Variants in FCHSD1 observed in about 807,000 individuals in gnomAD.
FCHSD1 encodes FCH and double SH3 domains 1, also known as F-BAR and double SH3 domains protein 1.
FCHSD1 carries 109 observed loss-of-function variants against 101.3 expected under a neutral mutation model. The ratio of observed to expected loss-of-function variants is 1.08; its 90% confidence interval spans 0.92 to 1.26. The LOEUF (loss-of-function observed/expected upper bound fraction) is 1.26. FCHSD1 is among the 50% of genes most tolerant of loss of function. FCHSD1 has a pLI of 0.00. For synonymous variants in FCHSD1, 291 were observed against 356.8 expected (o/e 0.82, Z 2.08); for missense variants, 820 against 895.8 (o/e 0.92, Z 1.08).
chr5:141,644,289 C>G lies in FCHSD1; in HGVS notation c.1792G>C (p.Val598Leu). The change falls in exon 17 of 20, where the codon GTC becomes CTC. Residue 598 changes from valine (V) to leucine (L), a missense_variant. Val to Leu is a conservative substitution (Grantham distance 32). Coordinates refer to ENST00000435817, the MANE Select transcript of FCHSD1 (RefSeq NM_033449.3). Reference sequence around the variant, plus strand: ...TCTTCCACCAGCAGGGAGGGGAAGACCCCAACACGGCCCCCAAATTCTCCC... The same window carrying G: ...TCTTCCACCAGCAGGGAGGGGAAGAGCCCAACACGGCCCCCAAATTCTCCC... ...WRGEFGGRVG[V>L]FPSLLVEELL... The G allele has an allele frequency of 6.2e-7, 1 of 1,613,674 alleles. No homozygotes were observed. Among genetic ancestry groups the G allele is most frequent in the Non-Finnish European group, 8.5e-7 (1 of 1,179,764 alleles).
chr5:141,645,201 C>A, intron 13 of FCHSD1, 53 bp from the exon 14 acceptor site: 4 of 1,512,406 alleles, frequency 2.6e-6, no homozygotes, highest in Non-Finnish European at 2.7e-6. Flanking sequence ...AGCACTGGTT[C>A]TATCTCCCAC....
At chr5:141,650,284 T>C in intron 3 of FCHSD1, 75 bp downstream of exon 3, 3 of 1,582,104 alleles carry the variant, frequency 1.9e-6, no homozygotes, top group South Asian at 1.1e-5. Flanking sequence ...ACAATAGGGA[T>C]AGGTATGGAC....
rs2099907792 is a variant in FCHSD1 at position 141,647,397 on chromosome 5, C to T, written c.828+1G>A. 1.9e-6 allele frequency: 3 copies of T among 1,594,944 alleles called. No individual in the cohort carries two copies. The highest frequency in any genetic ancestry group is 2.2e-5 in the South Asian group (2 of 89,448). On this transcript the variant is annotated splice_donor_variant, in intron 9 of 19. Coordinates refer to ENST00000435817, the MANE Select transcript of FCHSD1 (RefSeq NM_033449.3). LOFTEE classifies it high-confidence loss of function. ...AAGCTCTTAGAGGCCACAGCCCTCA[C>T]CTGGGAGGTTGTCTGCTCCCCGCGG...
intron 8 of FCHSD1, chr5:141,647,761 G>A: frequency 1.1e-6 from 1 of 947,158 alleles, no homozygotes; most frequent in South Asian, 1.8e-5. Context: ...TCCCTGATGA[G>A]GAATCTGGGG....
intron 13 of FCHSD1, 113 bp from the exon 14 acceptor site, chr5:141,645,261 A>G (rs1596462528): frequency 7.0e-7 from 1 of 1,425,962 alleles, no homozygotes; most frequent in Middle Eastern, 1.9e-4. Context: ...AGGCAGGTGC[A>G]CCCATCCACT....
Position 141,646,683 on chromosome 5 carries a change from T to G in FCHSD1, c.964A>C (p.Lys322Gln), listed in dbSNP as rs2099907706. The G allele has an allele frequency of 1.2e-6, 2 of 1,613,222 alleles. No individual in the cohort carries two copies. The highest frequency in any genetic ancestry group is 8.5e-7 in the Non-Finnish European group (1 of 1,179,772). Reference protein sequence around the residue: ...LEWGAEGVAGKSGLEKEVQRL... With the variant: ...LEWGAEGVAGQSGLEKEVQRL... Reference sequence around the variant, plus strand: ...TGAACCTCTTTCTCCAGGCCACTCTTGCCAGCCACGCCTTCTGCTCCCCAC... The same window carrying G: ...TGAACCTCTTTCTCCAGGCCACTCTGGCCAGCCACGCCTTCTGCTCCCCAC... Residue 322 changes from lysine (K) to glutamine (Q), a missense_variant, in exon 11 of 20, where the codon AAG (lysine) becomes CAG (glutamine). Coordinates refer to ENST00000435817, the MANE Select transcript of FCHSD1 (RefSeq NM_033449.3).
In FCHSD1 at chr5:141,639,963, C is replaced by G; in HGVS notation, c.*1535G>C. 6.2e-7 allele frequency: 1 copy of G among 1,614,046 alleles called. No homozygotes were observed. The highest frequency in any genetic ancestry group is 8.5e-7 in the Non-Finnish European group (1 of 1,180,014). On this transcript the variant is annotated 3_prime_UTR_variant, in exon 20 of 20. Transcript: ENST00000435817. This position sits in a 1 kb window ranked among gnomAD's most constrained non-coding sequence, Gnocchi z 4.4. ...TGAGAAGCGCTATGGACTGCACGAA[C>G]ACCGTGATGGCTCCCCCACAGACAG... is the stretch of plus-strand genomic sequence containing the variant.
rs930963207 is a variant in FCHSD1, at chr5:141,649,537, C to G, written c.234-1G>C. Reference sequence around the variant, plus strand: ...CCAGGCACCGAACACTGTCCTGCCCCTCCCCAGAGAAGGTCTGTGTTGAGG... The same window carrying G: ...CCAGGCACCGAACACTGTCCTGCCCGTCCCCAGAGAAGGTCTGTGTTGAGG... On this transcript the variant is annotated splice_acceptor_variant, in intron 4 of 19. Transcript: ENST00000435817. LOFTEE classifies it high-confidence loss of function. This position sits in a 1 kb window ranked among gnomAD's most constrained non-coding sequence, Gnocchi z 4.1. 23 of 1,611,032 alleles carry G rather than the reference C, an allele frequency of 1.4e-5. No individual in the cohort carries two copies. The highest frequency in any genetic ancestry group is 3.3e-4 in the Middle Eastern group (2 of 6,078).
chr5:141,641,609 T>G, intron 19 of FCHSD1, 46 bp from the exon 20 acceptor site: 1 of 1,600,674 alleles, frequency 6.2e-7, no homozygotes, highest in Non-Finnish European at 8.5e-7. Context: ...CCCTTAAGGG[T>G]ATCCCTGTCT....
chr5:141,643,416 C>A (rs2099907221), intron 17 of FCHSD1, among the ~76,000 whole-genome samples: 2 of 152,206 alleles, frequency 1.3e-5, no homozygotes, highest in African/African-American at 4.8e-5. Context: ...TGTCCAAAAT[C>A]ACGAAGCCAG....
intron 17 of FCHSD1, among the ~76,000 whole-genome samples, chr5:141,643,605 AT>A (rs1428432409): frequency 3.3e-5 from 5 of 152,180 alleles, no homozygotes; most frequent in African/African-American, 1.2e-4. Context: ...ATCCCAGCAC[AT>A]TGGGAGGCCA....
Position 141,639,862 on chromosome 5 carries a change from G to C in FCHSD1, c.*1636C>G. On this transcript the variant is annotated 3_prime_UTR_variant, in exon 20 of 20. Coordinates refer to ENST00000435817, the MANE Select transcript of FCHSD1 (RefSeq NM_033449.3). The surrounding 1 kb of genome is among the most constrained non-coding windows in gnomAD (Gnocchi z 4.4). Reference sequence around the variant, plus strand: ...ACTCAGGATGTCCCTGGTCAGAGGGGAGGGCCAAGCAGCCTCTGAGTTGTG... The same window carrying C: ...ACTCAGGATGTCCCTGGTCAGAGGGCAGGGCCAAGCAGCCTCTGAGTTGTG... The C allele has an allele frequency of 6.4e-7, 1 of 1,567,470 alleles. No individual in the cohort carries two copies. The highest frequency in any genetic ancestry group is 8.8e-7 in the Non-Finnish European group (1 of 1,140,092).
rs1367247458 is a variant in FCHSD1, at chr5:141,640,101, C to T, written c.*1397G>A. 6.2e-7 allele frequency: 1 copy of T among 1,613,682 alleles called. No individual in the cohort carries two copies. Among genetic ancestry groups the T allele is most frequent in the Admixed American group, 1.7e-5 (1 of 60,006 alleles). On this transcript the variant is annotated 3_prime_UTR_variant, in exon 20 of 20. Transcript: ENST00000435817. ...GAGGCTGCCCCCTGAGAGGCCACAG[C>T]CCCAGGTCCTAGCCAGCCCCCCAGT...
At chr5:141,646,016 C>G in intron 12 of FCHSD1, 71 bp downstream of exon 12, 2 of 1,544,296 alleles carry the variant, frequency 1.3e-6, no homozygotes, top group Non-Finnish European at 1.8e-6. Context: ...CTCCCACCAT[C>G]AGAAAGAGGA....
At chr5:141,650,218 T>A (rs780946903) in intron 3 of FCHSD1, 141 bp downstream of exon 3, 99 of 1,148,932 alleles carry the variant, frequency 8.6e-5, no homozygotes, top group Non-Finnish European at 1.2e-4. Flanking sequence ...ATGGCTATAA[T>A]TACACAGCAG....
chr5:141,649,527 T>C lies in FCHSD1; in HGVS notation c.243A>G (p.Thr81=). ...GCAGGCAGCGCCAGGCACCGAACAC[T>C]GTCCTGCCCCTCCCCAGAGAAGGTC... ...RSGEMDSRGR[T]VFGAWRCLLD... Residue 81 remains threonine (T), a synonymous_variant, in exon 5 of 20, where the codon ACA becomes ACG. Coordinates refer to ENST00000435817, the MANE Select transcript of FCHSD1 (RefSeq NM_033449.3). This position sits in a 1 kb window ranked among gnomAD's most constrained non-coding sequence, Gnocchi z 4.1. 6.2e-7 allele frequency: 1 copy of C among 1,612,340 alleles called. No homozygotes were observed. Among genetic ancestry groups the C allele is most frequent in the South Asian group, 1.1e-5 (1 of 91,008 alleles).
Position 141,639,719 on chromosome 5 carries a change from AGTG to A in FCHSD1, c.*1776_*1778del, listed in dbSNP as rs2099906604. Reference sequence around the variant, plus strand: ...CAGTGATCAGGCACCTGATCCCAAAAGTGGGCCTTGGCTCTTTCCTCCTGGACT... The same window carrying A: ...CAGTGATCAGGCACCTGATCCCAAAAGGCCTTGGCTCTTTCCTCCTGGACT... On this transcript the variant is annotated 3_prime_UTR_variant, in exon 20 of 20. Coordinates refer to ENST00000435817, the MANE Select transcript of FCHSD1 (RefSeq NM_033449.3). The surrounding 1 kb of genome is among the most constrained non-coding windows in gnomAD (Gnocchi z 4.4). 2.0e-6 allele frequency: 3 copies of A among 1,469,024 alleles called. No individual in the cohort carries two copies. Among genetic ancestry groups the A allele is most frequent in the Non-Finnish European group, 2.8e-6 (3 of 1,080,108 alleles). The allele number at this position is 1,469,024 out of a possible 1,614,324, so 91.0% of individuals were successfully genotyped here.
rs1355048900 is a variant in FCHSD1 at position 141,646,798 on chromosome 5, A to G, written c.925-76T>C. The G allele has an allele frequency of 1.0e-5, 16 of 1,544,600 alleles. No homozygotes were observed. The Admixed American group carries it at 1.1e-4, about 11-fold the overall frequency. On this transcript the variant is annotated intron_variant, in intron 10 of 19. Coordinates refer to ENST00000435817, the MANE Select transcript of FCHSD1 (RefSeq NM_033449.3). ...TCCAGTTCCCTCCTTTTTCCACTCT[A>G]TCTTGACCTCCAAGGACAAGGACAA... is the stretch of plus-strand genomic sequence containing the variant.
At chr5:141,646,050 A>C (rs1261981972) in intron 12 of FCHSD1, 37 bp downstream of exon 12, 6 of 1,579,354 alleles carry the variant, frequency 3.8e-6, no homozygotes, top group Non-Finnish European at 5.2e-6. Context: ...GGCTTGCCTG[A>C]GAAGGTGGGA....
Sources: gnomAD v4.1 joint callset for allele counts (sites outside exome capture counted in the v4.1 genomes callset) on GRCh38, gnomAD v4.1.1 for gene constraint, Gnocchi (gnomAD v3.1) non-coding constraint, MANE v1.5 for transcripts, NCBI Gene and HGNC (gene_info 2026-07-23, HGNC 2026-07-21) for gene names.